BPTF: variants seen among roughly 807,000 people sequenced by gnomAD.
BPTF encodes the protein nucleosome-remodeling factor subunit BPTF.
Under a neutral mutation model 292.5 loss-of-function variants are expected in BPTF, and 18 were observed. The observed-to-expected ratio is 0.06, with a 90% CI of 0.04 to 0.09. BPTF has a LOEUF of 0.09. Ranked by LOEUF, BPTF falls within the 10% of genes least tolerant of loss-of-function variation. The pLI is 1.00. For missense variants in BPTF, 2,726 were observed against 3,498.7 expected (o/e 0.78, Z 5.57); for synonymous variants, 1,225 against 1,251.9 (o/e 0.98, Z 0.45).
In BPTF at chr17:67,946,173, G is replaced by A. The variant is rs2065799706; in HGVS notation, c.7465G>A (p.Val2489Met). 1 of 1,614,204 alleles carries A rather than the reference G, an allele frequency of 6.2e-7. No individual in the cohort carries two copies. The highest frequency in any genetic ancestry group is 8.5e-7 in the Non-Finnish European group (1 of 1,180,030). The change falls in exon 21 of 28, where the codon GTG becomes ATG. Residue 2489 changes from valine (V) to methionine (M), a missense_variant. Transcript: ENST00000306378. The stretch of plus-strand genomic sequence containing the variant: ...TGTGCAGACTCACCAGATTCAGAAT[G>A]TGGTTACAGTGCAGGCAGCCAGTGT... Reference protein sequence around the residue: ...SAVQTHQIQNVVTVQAASVQE... With the variant: ...SAVQTHQIQNMVTVQAASVQE...
rs773808108 is a variant in BPTF, at chr17:67,893,637, C to A, written c.2323C>A (p.Leu775Ile). 32 of 1,611,554 alleles carry A rather than the reference C, an allele frequency of 2.0e-5. No individual in the cohort carries two copies. Among genetic ancestry groups the A allele is most frequent in the Non-Finnish European group, 2.7e-5 (32 of 1,177,796 alleles). The change falls in exon 6 of 28, where the codon CTT becomes ATT. Residue 775 changes from leucine (L) to isoleucine (I), a missense_variant. Leu to Ile is a conservative substitution (Grantham distance 5). Coordinates refer to ENST00000306378, the MANE Select transcript of BPTF (RefSeq NM_182641.4). ...WNGSVHGSKV[L>I]TISTLRLTIT... ...CGGTTCTGTCCATGGGTCCAAAGTTCTTACCATATCTACTCTGAGACTGAC... is the reference window on the plus strand; with the variant it reads ...CGGTTCTGTCCATGGGTCCAAAGTTATTACCATATCTACTCTGAGACTGAC...
At position 67,950,051 on chromosome 17, in the gene BPTF, C is replaced by CAAAAAAA. The variant is rs567911150; in HGVS notation, c.7926+1760_7926+1766dup. ...CCTGGGCAACAGAATGAGACTGTCT[C>CAAAAAAA]AAAAAAAAAAAAAAAAAAAAACATT... On this transcript the variant is annotated intron_variant, in intron 23 of 27. Coordinates refer to ENST00000306378, the MANE Select transcript of BPTF (RefSeq NM_182641.4). Among the ~76,000 whole-genome samples the CAAAAAAA allele has an allele frequency of 7.1e-4, 49 of 68,582 alleles. 1 individual carries two copies. The highest frequency in any genetic ancestry group is 2.7e-3 in the African/African-American group (39 of 14,592). The allele number at this position is 68,582 out of a possible 152,430, so 45.0% of individuals were successfully genotyped here. A position where few individuals can be genotyped will look rare whatever the true frequency, so the allele number is the denominator to read the frequency against.
Position 67,826,290 on chromosome 17 carries a change from G to A in BPTF, c.566G>A (p.Cys189Tyr). The A allele has an allele frequency of 6.2e-7, 1 of 1,612,910 alleles. No individual in the cohort carries two copies. The highest frequency in any genetic ancestry group is 8.5e-7 in the Non-Finnish European group (1 of 1,179,786). The change falls in exon 1 of 28, where the codon TGC becomes TAC. Residue 189 changes from cysteine to tyrosine, a missense_variant. Transcript: ENST00000306378. ...MEDDDDDASYCTESSFRSHST... is the reference protein window; with the variant it reads ...MEDDDDDASYYTESSFRSHST... Reference sequence around the variant, plus strand: ...GACGACGACGACGACGCCAGTTACTGCACGGAAAGCAGCTTCAGGAGCCAT... The same window carrying A: ...GACGACGACGACGACGCCAGTTACTACACGGAAAGCAGCTTCAGGAGCCAT...
intron 3 of BPTF, among the ~76,000 whole-genome samples, chr17:67,873,656 G>C (rs1254295910): frequency 6.6e-6 from 1 of 152,102 alleles, no homozygotes; most frequent in Non-Finnish European, 1.5e-5. Context: ...AGAAGTTACA[G>C]ATAAGCAAGT....
rs1377144984 is a variant in BPTF, at chr17:67,981,501, T to G, written c.8727-751T>G. 4.2e-6 allele frequency: 5 copies of G among 1,188,830 alleles called. No homozygotes were observed. In the African/African-American group the frequency reaches 8.2e-5, roughly 20 times the overall value. The allele number at this position is 1,188,830 out of a possible 1,614,324, so 73.6% of individuals were successfully genotyped here. A position where few individuals can be genotyped will look rare whatever the true frequency, so the allele number is the denominator to read the frequency against. On this transcript the variant is annotated intron_variant, in intron 27 of 27. Coordinates refer to ENST00000306378, the MANE Select transcript of BPTF (RefSeq NM_182641.4). Reference sequence around the variant, plus strand: ...ACTGGATGTTGGGGTCACTCTTTGTTTTATTGTACCTCGTGATTACCTAAT... The same window carrying G: ...ACTGGATGTTGGGGTCACTCTTTGTGTTATTGTACCTCGTGATTACCTAAT...
chr17:67,927,119 G>A (rs945062034), intron 15 of BPTF, among the ~76,000 whole-genome samples: 1 of 152,188 alleles, frequency 6.6e-6, no homozygotes, highest in Non-Finnish European at 1.5e-5. Flanking sequence ...TCAAAGGCAG[G>A]AGATAGTGGT....
chr17:67,928,681 A>AT (rs1424459359), intron 16 of BPTF, 80 bp downstream of exon 16: 3 of 1,454,540 alleles, frequency 2.1e-6, no homozygotes, highest in South Asian at 1.4e-5. Context: ...GAAATGAAAC[A>AT]TTTTTTTAGA....
At chr17:67,852,029 A>G (rs1264620227) in intron 1 of BPTF, among the ~76,000 whole-genome samples, 1 of 152,066 alleles carries the variant, frequency 6.6e-6, no homozygotes, top group African/African-American at 2.4e-5. Flanking sequence ...TTCTAAATAC[A>G]CTTCTGTGAA....
At chr17:67,871,119 C>T (rs1332148439) in intron 3 of BPTF, among the ~76,000 whole-genome samples, 2 of 152,210 alleles carry the variant, frequency 1.3e-5, no homozygotes, top group African/African-American at 4.8e-5. Flanking sequence ...TATCTACACA[C>T]ACACGTGTCT....
chr17:67,871,215 A>G (rs1283617017), intron 3 of BPTF, among the ~76,000 whole-genome samples: 1 of 152,096 alleles, frequency 6.6e-6, no homozygotes, highest in African/African-American at 2.4e-5. Flanking sequence ...TTTCAAATGT[A>G]CACAAAAGTT....
At chr17:67,946,425 A>G (rs1235615099) in intron 21 of BPTF, 100 bp downstream of exon 21, 9 of 1,482,964 alleles carry the variant, frequency 6.1e-6, no homozygotes, top group East Asian at 4.7e-5. Context: ...AAATGAGACA[A>G]AGTCATTAAT....
At chr17:67,974,973 C>T (rs2069223842) in intron 26 of BPTF, 1 of 152,214 alleles carries the variant, frequency 6.6e-6, no homozygotes, top group African/African-American at 2.4e-5. Context: ...AAGTCCCAAC[C>T]CTCCAATCCT....
rs782518078 is a variant in BPTF, at chr17:67,975,834, G to A, written c.8602G>A (p.Ala2868Thr). ...RYYEKLTEFV[A>T]DMTKIFDNCR... Reference sequence around the variant, plus strand: ...TTATGAAAAGCTGACGGAATTTGTGGCAGATATGACCAAAATTTTTGATAA... The same window carrying A: ...TTATGAAAAGCTGACGGAATTTGTGACAGATATGACCAAAATTTTTGATAA... Residue 2868 changes from alanine (A) to threonine (T), a missense_variant, in exon 27 of 28, where the codon GCA becomes ACA. Ala to Thr is a moderately conservative substitution (Grantham distance 58). Coordinates refer to ENST00000306378, the MANE Select transcript of BPTF (RefSeq NM_182641.4). The A allele has an allele frequency of 1.2e-6, 2 of 1,614,064 alleles. No individual in the cohort carries two copies. Among genetic ancestry groups the A allele is most frequent in the Non-Finnish European group, 1.7e-6 (2 of 1,179,988 alleles).
intron 18 of BPTF, among the ~76,000 whole-genome samples, chr17:67,933,262 GA>G (rs76194753): frequency 1.5e-3 from 198 of 132,454 alleles, no homozygotes; most frequent in Middle Eastern, 4.1e-3. Context: ...CCGTCTGAAG[GA>G]AAAAAAAAAA....
At chr17:67,929,552 C>T (rs1182527984) in intron 17 of BPTF, 65 bp downstream of exon 17, 2 of 1,527,022 alleles carry the variant, frequency 1.3e-6, no homozygotes, top group Admixed American at 2.0e-5. Flanking sequence ...TTTAGAATGA[C>T]TTCTTCCAAG....
chr17:67,877,569 G>A (rs1244379120), intron 4 of BPTF, among the ~76,000 whole-genome samples: 2 of 152,124 alleles, frequency 1.3e-5, no homozygotes, highest in Non-Finnish European at 2.9e-5. Flanking sequence ...AAAACTTATC[G>A]ACAAAAGATA....
intron 27 of BPTF, 31 bp from the exon 28 acceptor site, chr17:67,982,221 T>A: frequency 1.2e-6 from 2 of 1,601,648 alleles, no homozygotes; most frequent in South Asian, 2.2e-5. Context: ...TGAAGGGTGC[T>A]TAATTGTTCC....
intron 5 of BPTF, 61 bp from the exon 6 acceptor site, chr17:67,893,309 T>A: frequency 1.0e-6 from 1 of 989,752 alleles, no homozygotes; most frequent in Non-Finnish European, 1.6e-6. Context: ...GACAGTTGAT[T>A]AGATGAAATT....
chr17:67,924,802 A>G (rs1056569412), intron 15 of BPTF, among the ~76,000 whole-genome samples: 9 of 152,054 alleles, frequency 5.9e-5, no homozygotes, highest in Non-Finnish European at 1.2e-4. Context: ...GTGTCTTACT[A>G]TCACCCAGGC....
Sources: allele counts gnomAD v4.1 joint callset (sites outside exome capture counted in the v4.1 genomes callset), GRCh38; gene constraint gnomAD v4.1.1; transcripts MANE v1.5; gene names NCBI Gene and HGNC (gene_info 2026-07-23, HGNC 2026-07-21).